The following ANGPT1 variants were observed in gnomAD, a reference collection of about 807,000 sequenced individuals.
ANGPT1 encodes angiopoietin 1, also known as angiopoietin-1.
Under a neutral mutation model 62.2 loss-of-function variants are expected in ANGPT1, and 17 were observed. That is an observed-to-expected ratio of 0.27 (90% CI 0.19 to 0.41). The LOEUF (loss-of-function observed/expected upper bound fraction) is 0.41. ANGPT1 is among the 10% of genes least tolerant of loss of function. The pLI is 1.00. For missense variants in ANGPT1, 478 were observed against 594.9 expected, an observed-to-expected ratio of 0.80 and a Z score of 2.04; for synonymous variants, 199 against 198.9, an observed-to-expected ratio of 1.00 and a Z score of 0.00.
At chr8:107,314,437 A>T (rs1321397118) in intron 4 of ANGPT1, among the ~76,000 whole-genome samples, 1 of 152,134 alleles carries the variant, frequency 6.6e-6, no homozygotes, top group African/African-American at 2.4e-5. Context: ...GTTATTTTTT[A>T]TTTTGTTATC....
At chr8:107,422,616 C>G (rs1013452282) in intron 1 of ANGPT1, among the ~76,000 whole-genome samples, 1 of 152,066 alleles carries the variant, frequency 6.6e-6, no homozygotes, top group African/African-American at 2.4e-5. Context: ...TTAACATAAT[C>G]GCCCACATTT....
intron 1 of ANGPT1, among the ~76,000 whole-genome samples, chr8:107,354,042 T>G (rs1000572930): frequency 6.6e-6 from 1 of 152,124 alleles, no homozygotes; most frequent in Non-Finnish European, 1.5e-5. Context: ...CTGCCATTGC[T>G]TTTTTTGGTA....
chr8:107,360,218 G>A (rs2436556), intron 1 of ANGPT1, among the ~76,000 whole-genome samples: 21,249 of 152,212 alleles, frequency 0.14, 1,740 homozygotes, highest in East Asian at 0.37. Flanking sequence ...TGTGTGCAAA[G>A]CCTGTAACAA....
intron 1 of ANGPT1, among the ~76,000 whole-genome samples, chr8:107,472,475 G>C (rs976518531): frequency 6.6e-6 from 1 of 152,002 alleles, no homozygotes; most frequent in Non-Finnish European, 1.5e-5. Flanking sequence ...GCAATCATCT[G>C]ACTATCAACA....
At chr8:107,324,918 G>A (rs1434258473) in intron 3 of ANGPT1, among the ~76,000 whole-genome samples, 1 of 152,122 alleles carries the variant, frequency 6.6e-6, no homozygotes, top group Non-Finnish European at 1.5e-5. Context: ...CGATCATAAA[G>A]TAAACCCAAT....
At position 107,400,245 on chromosome 8, in the gene ANGPT1, C is replaced by T. The variant is rs1019543116; in HGVS notation, c.298-53148G>A. Among the ~76,000 whole-genome samples, 8 of 152,270 alleles carry T rather than the reference C, an allele frequency of 5.3e-5. No individual in the cohort carries two copies. The South Asian group carries it at 1.7e-3, about 32-fold the overall frequency. ...TCCATCCCCAAAAGAACGAGTAAAA[C>T]GAACACATCTTGATCTCACAACAAA... On this transcript the variant is annotated intron_variant, in intron 1 of 8. Coordinates refer to ENST00000517746, the MANE Select transcript of ANGPT1 (RefSeq NM_001146.5).
At chr8:107,366,414 G>T (rs1816274006) in intron 1 of ANGPT1, among the ~76,000 whole-genome samples, 1 of 152,032 alleles carries the variant, frequency 6.6e-6, no homozygotes, top group Non-Finnish European at 1.5e-5. Flanking sequence ...CAGAATTCTG[G>T]TTAAATTAGC....
At position 107,281,544 on chromosome 8, in the gene ANGPT1, TGAG is replaced by T. The variant is rs1358085298; in HGVS notation, c.1205+3135_1205+3137del. On this transcript the variant is annotated intron_variant, in intron 7 of 8. Coordinates refer to ENST00000517746, the MANE Select transcript of ANGPT1 (RefSeq NM_001146.5). The stretch of plus-strand genomic sequence containing the variant: ...CTGTAATCCCAGCACTTTGGGAGGC[TGAG>T]GCGTGCGGATCACGAGATCAGGAGA... 2.0e-5 allele frequency among the ~76,000 whole-genome samples: 3 copies of T among 152,214 alleles called. No individual in the cohort carries two copies. In the East Asian group the frequency reaches 5.8e-4, roughly 30 times the overall value.
intron 1 of ANGPT1, among the ~76,000 whole-genome samples, chr8:107,431,688 T>A (rs953873350): frequency 4.3e-4 from 66 of 152,192 alleles, no homozygotes; most frequent in Middle Eastern, 3.4e-3. Flanking sequence ...ATCTCCTTAA[T>A]GCTTGTATCT....
chr8:107,288,645 G>A (rs1814201641), intron 6 of ANGPT1, among the ~76,000 whole-genome samples: 2 of 152,080 alleles, frequency 1.3e-5, no homozygotes, highest in South Asian at 4.1e-4. Flanking sequence ...ATATAAATAT[G>A]ATGTGGAATA....
intron 1 of ANGPT1, among the ~76,000 whole-genome samples, chr8:107,369,526 A>G (rs1312787906): frequency 2.6e-5 from 4 of 152,192 alleles, no homozygotes; most frequent in Non-Finnish European, 4.4e-5. Flanking sequence ...TTGTTGCAAG[A>G]AGCCTAGCTC....
At chr8:107,360,759 G>A (rs746715859) in intron 1 of ANGPT1, among the ~76,000 whole-genome samples, 8 of 152,106 alleles carry the variant, frequency 5.3e-5, no homozygotes, top group South Asian at 4.1e-4. Context: ...CCGTCAGGCA[G>A]TAAAAAAGTC....
intron 5 of ANGPT1, 79 bp from the exon 6 acceptor site, chr8:107,294,116 A>G (rs1353598998): frequency 8.4e-7 from 1 of 1,195,662 alleles, no homozygotes; most frequent in African/African-American, 1.5e-5. Flanking sequence ...CAAAATAGGA[A>G]TAAGGCGAAC....
At chr8:107,310,245 C>T (rs1486154579) in intron 4 of ANGPT1, among the ~76,000 whole-genome samples, 1 of 152,082 alleles carries the variant, frequency 6.6e-6, no homozygotes, top group Non-Finnish European at 1.5e-5. Flanking sequence ...TTTGTTCAAT[C>T]CTTATAAATT....
intron 1 of ANGPT1, among the ~76,000 whole-genome samples, chr8:107,392,608 G>C (rs1347162533): frequency 1.3e-5 from 2 of 152,038 alleles, no homozygotes; most frequent in African/African-American, 4.8e-5. Context: ...CTTTGTTTAT[G>C]TCATTTTTGC....
At chr8:107,271,468 T>C (rs1813734026) in intron 7 of ANGPT1, among the ~76,000 whole-genome samples, 1 of 152,032 alleles carries the variant, frequency 6.6e-6, no homozygotes, top group Non-Finnish European at 1.5e-5. Context: ...GGTATAAACA[T>C]ATGACCTTGA....
rs2129980767 is a variant in ANGPT1 at position 107,303,386 on chromosome 8, A to AG, written c.809-20dup. ...AGTAAAACTGCAAAAAAAAAAAAAA[A>AG]GATTGCAATATGTGAATATCAGTAC... is the stretch of plus-strand genomic sequence containing the variant. On this transcript the variant is annotated intron_variant, in intron 4 of 8. Transcript: ENST00000517746. 1 of 1,568,362 alleles carries AG rather than the reference A, an allele frequency of 6.4e-7. No homozygotes were observed. The highest frequency in any genetic ancestry group is 2.3e-5 in the East Asian group (1 of 44,378).
At chr8:107,263,092 G>C (rs1193361410) in intron 8 of ANGPT1, among the ~76,000 whole-genome samples, 1 of 150,436 alleles carries the variant, frequency 6.6e-6, no homozygotes, top group African/African-American at 2.5e-5. Flanking sequence ...GGTGGCTCAT[G>C]CCTCTAATCC....
intron 1 of ANGPT1, 44 bp from the exon 2 acceptor site, chr8:107,347,141 C>A (rs769287164): frequency 3.2e-6 from 5 of 1,560,392 alleles, no homozygotes; most frequent in Non-Finnish European, 3.5e-6. Context: ...ATAAGCAAGG[C>A]CTCCCAGTTC....
Sources: allele counts gnomAD v4.1 joint callset (sites outside exome capture counted in the v4.1 genomes callset), GRCh38; gene constraint gnomAD v4.1.1; transcripts MANE v1.5; gene names NCBI Gene and HGNC (gene_info 2026-07-23, HGNC 2026-07-21).